The following TOMM70 variants were observed in gnomAD, a reference collection of about 807,000 sequenced individuals.
TOMM70 encodes mitochondrial import receptor subunit TOM70.
Under a neutral mutation model 73.6 loss-of-function variants are expected in TOMM70, and 13 were observed. That is an observed-to-expected ratio of 0.18 (90% CI 0.11 to 0.28). The LOEUF (loss-of-function observed/expected upper bound fraction) is 0.28, where lower values mean the gene tolerates loss of function less well. Among genes scored for constraint, TOMM70 ranks in the 10% least tolerant of loss-of-function variants. The probability of loss-of-function intolerance (pLI) is 1.00; values close to 1 mark genes in which losing one functional copy is unlikely to be tolerated. For synonymous variants in TOMM70, 257 were observed against 271.2 expected (o/e 0.95, Z 0.51); for missense variants, 609 against 747.5 (o/e 0.81, Z 2.16).
chr3:100,397,101 G>C (rs1401746821), intron 1 of TOMM70, among the ~76,000 whole-genome samples: 1 of 152,188 alleles, frequency 6.6e-6, no homozygotes, highest in Admixed American at 6.5e-5. Context: ...CTCAGGTGGA[G>C]AAAGGACAGT....
chr3:100,400,937 T>G lies in TOMM70; in HGVS notation c.13A>C (p.Lys5Gln). 1 of 1,531,304 alleles carries G rather than the reference T, an allele frequency of 6.5e-7. No individual in the cohort carries two copies. Among genetic ancestry groups the G allele is most frequent in the Non-Finnish European group, 8.7e-7 (1 of 1,145,426 alleles). 94.9% of individuals were successfully genotyped at this position (1,531,304 alleles called of 1,614,324 possible). A position where few individuals can be genotyped will look rare whatever the true frequency, so the allele number is the denominator to read the frequency against. ...GCGACCACCGCTGCCTCCACAGGTT[T>G]AGAGGCGGCCATGACAAGTGTCCTC... MAAS[K>Q]PVEAAVVAAA... The change falls in exon 1 of 12, where the codon AAA (lysine) becomes CAA (glutamine). Residue 5 changes from lysine to glutamine, a missense_variant. Physicochemically the swap from Lys to Gln is moderately conservative, Grantham distance 53 (BLOSUM62 1). Transcript: ENST00000284320.
chr3:100,397,142 C>T (rs1020014820), intron 1 of TOMM70, among the ~76,000 whole-genome samples: 1 of 152,188 alleles, frequency 6.6e-6, no homozygotes, highest in African/African-American at 2.4e-5. Flanking sequence ...AGGTTTCCAT[C>T]AGTGAAAGCA....
At position 100,394,365 on chromosome 3, in the gene TOMM70, C is replaced by CTTTTCTTTT. The variant is rs769287867; in HGVS notation, c.324+6260_324+6261insAAAAGAAAA. Among the ~76,000 whole-genome samples the CTTTTCTTTT allele has an allele frequency of 3.0e-5, 4 of 131,392 alleles. 1 individual carries two copies. Among genetic ancestry groups the CTTTTCTTTT allele is most frequent in the African/African-American group, 1.2e-4 (4 of 34,042 alleles). 86.2% of individuals were successfully genotyped at this position (131,392 alleles called of 152,430 possible). A position where few individuals can be genotyped will look rare whatever the true frequency, so the allele number is the denominator to read the frequency against. ...ACTTATTGACCAACTGTTACTTTTT[C>CTTTTCTTTT]TTTTTTTTTTTTTGAGATAGAGTTT... On this transcript the variant is annotated intron_variant, in intron 1 of 11. Coordinates refer to ENST00000284320, the MANE Select transcript of TOMM70 (RefSeq NM_014820.5).
intron 6 of TOMM70, 197 bp downstream of exon 6, chr3:100,377,508 A>T (rs1398561236): frequency 3.4e-6 from 2 of 580,904 alleles, no homozygotes; most frequent in Non-Finnish European, 5.9e-6. Context: ...TCCTTTCCTA[A>T]ATAAAGATAA....
chr3:100,363,937 T>C lies in TOMM70; in HGVS notation c.*1627A>G, dbSNP rs989931882. The C allele has an allele frequency of 6.6e-6, 1 of 152,184 alleles. No homozygotes were observed. The highest frequency in any genetic ancestry group is 1.5e-5 in the Non-Finnish European group (1 of 68,030). 9.4% of individuals were successfully genotyped at this position (152,184 alleles called of 1,614,324 possible). ...CATTTCTAATAGTTTCTAAAAAAGATAGCATTTGTAGACAAATCTTTTTGG... is the reference window on the plus strand; with the variant it reads ...CATTTCTAATAGTTTCTAAAAAAGACAGCATTTGTAGACAAATCTTTTTGG... On this transcript the variant is annotated 3_prime_UTR_variant, in exon 12 of 12. Coordinates refer to ENST00000284320, the MANE Select transcript of TOMM70 (RefSeq NM_014820.5).
Position 100,363,453 on chromosome 3 carries a change from A to G in TOMM70, c.*2111T>C, listed in dbSNP as rs1371088658. On this transcript the variant is annotated 3_prime_UTR_variant, in exon 12 of 12. Coordinates refer to ENST00000284320, the MANE Select transcript of TOMM70 (RefSeq NM_014820.5). The stretch of plus-strand genomic sequence containing the variant: ...ACCTATCTTTCTATTTAAAGAATAG[A>G]TAGAAGAGCTTGAATGTAATATTTA... The G allele has an allele frequency of 6.6e-6, 1 of 152,644 alleles. No individual in the cohort carries two copies. Among genetic ancestry groups the G allele is most frequent in the Admixed American group, 6.5e-5 (1 of 15,276 alleles). The allele number at this position is 152,644 out of a possible 1,614,324, so 9.5% of individuals were successfully genotyped here. A position where few individuals can be genotyped will look rare whatever the true frequency, so the allele number is the denominator to read the frequency against.
chr3:100,398,367 G>C (rs965973651), intron 1 of TOMM70, among the ~76,000 whole-genome samples: 1 of 145,726 alleles, frequency 6.9e-6, no homozygotes, highest in Non-Finnish European at 1.5e-5. Context: ...CTGGGTGACA[G>C]GGTTAGACGC....
At chr3:100,383,208 A>G (rs1449011172) in intron 4 of TOMM70, among the ~76,000 whole-genome samples, 2 of 152,026 alleles carry the variant, frequency 1.3e-5, no homozygotes, top group Non-Finnish European at 2.9e-5. Context: ...GATGCTCGAG[A>G]GAAAAAAAAA....
rs1188662251 is a variant in TOMM70, at chr3:100,364,459, T to C, written c.*1105A>G. On this transcript the variant is annotated 3_prime_UTR_variant, in exon 12 of 12. Coordinates refer to ENST00000284320, the MANE Select transcript of TOMM70 (RefSeq NM_014820.5). ...TTAGCCACATGTCCTTCACGAGAAATTTTAAGCTATTTTAATACTCCCATA... is the reference window on the plus strand; with the variant it reads ...TTAGCCACATGTCCTTCACGAGAAACTTTAAGCTATTTTAATACTCCCATA... 6.6e-6 allele frequency: 1 copy of C among 152,184 alleles called. No homozygotes were observed. The highest frequency in any genetic ancestry group is 1.5e-5 in the Non-Finnish European group (1 of 68,034). 9.4% of individuals were successfully genotyped at this position (152,184 alleles called of 1,614,324 possible).
At chr3:100,366,445 C>A (rs115202850) in intron 11 of TOMM70, among the ~76,000 whole-genome samples, 1 of 152,164 alleles carries the variant, frequency 6.6e-6, no homozygotes, top group Non-Finnish European at 1.5e-5. Flanking sequence ...GTCTAACTGG[C>A]ATACATGTTA....
chr3:100,395,980 T>A (rs1706821426), intron 1 of TOMM70, among the ~76,000 whole-genome samples: 1 of 150,172 alleles, frequency 6.7e-6, no homozygotes, highest in Non-Finnish European at 1.5e-5. Context: ...TGTATTGTGA[T>A]AAGGAGACTA....
intron 1 of TOMM70, among the ~76,000 whole-genome samples, chr3:100,395,969 C>G (rs985890995): frequency 6.7e-6 from 1 of 149,208 alleles, no homozygotes. Flanking sequence ...GAAATGACCT[C>G]TGTATTGTGA....
chr3:100,386,390 G>T, intron 2 of TOMM70, 46 bp from the exon 3 acceptor site: 1 of 1,537,190 alleles, frequency 6.5e-7, no homozygotes, highest in Non-Finnish European at 8.8e-7. Flanking sequence ...AGAAAGTACT[G>T]TTCAATAGAA....
At chr3:100,380,368 CACAA>C (rs1056324063) in intron 5 of TOMM70, among the ~76,000 whole-genome samples, 11 of 151,704 alleles carry the variant, frequency 7.3e-5, no homozygotes, top group African/African-American at 2.4e-4. Context: ...AAAACGAAAA[CACAA>C]ACAATGATTA....
At chr3:100,396,205 G>C (rs1248422249) in intron 1 of TOMM70, among the ~76,000 whole-genome samples, 1 of 151,974 alleles carries the variant, frequency 6.6e-6, no homozygotes, top group Non-Finnish European at 1.5e-5. Flanking sequence ...ATCATTTGGG[G>C]GAGAGAATGA....
chr3:100,366,187 CCTCTTTCTGTTTCAT>C (rs1444879120), intron 11 of TOMM70, among the ~76,000 whole-genome samples: 1 of 152,194 alleles, frequency 6.6e-6, no homozygotes, highest in Non-Finnish European at 1.5e-5. Flanking sequence ...TGTGGGCCCA[CCTCTTTCTGTTTCAT>C]CTCTTACCAG....
chr3:100,370,774 A>T (rs1179798934), intron 9 of TOMM70, among the ~76,000 whole-genome samples: 1 of 152,244 alleles, frequency 6.6e-6, no homozygotes, highest in South Asian at 2.1e-4. Context: ...GACTGTAATA[A>T]TGCTAATGCT....
intron 4 of TOMM70, 30 bp from the exon 5 acceptor site, chr3:100,381,793 G>A (rs1240985362): frequency 6.4e-7 from 1 of 1,559,352 alleles, no homozygotes; most frequent in South Asian, 1.2e-5. Context: ...AAAGACATCA[G>A]GATGGGAAAT....
At chr3:100,392,572 T>C (rs951755474) in intron 1 of TOMM70, among the ~76,000 whole-genome samples, 3 of 151,968 alleles carry the variant, frequency 2.0e-5, no homozygotes, top group South Asian at 2.1e-4. Flanking sequence ...CACGCCACCA[T>C]GCCAAGCTAA....
Sources: allele counts gnomAD v4.1 joint callset (sites outside exome capture counted in the v4.1 genomes callset), GRCh38; gene constraint gnomAD v4.1.1; transcripts MANE v1.5; gene names NCBI Gene and HGNC (gene_info 2026-07-23, HGNC 2026-07-21).